The following AIRE variants were observed in gnomAD, a reference collection of about 807,000 sequenced individuals.
AIRE encodes autoimmune regulator, also known as autoimmune polyendocrinopathy candidiasis ectodermal dystrophy protein.
AIRE carries 52 observed loss-of-function variants against 62.1 expected under a neutral mutation model. The observed-to-expected ratio is 0.84, with a 90% CI of 0.67 to 1.06. The LOEUF is 1.06. Among genes scored for constraint, AIRE ranks in the 50% least tolerant of loss-of-function variants. The pLI, the probability that AIRE is intolerant of heterozygous loss-of-function variation, is 0.00. For missense variants in AIRE, 774 were observed against 755.8 expected (o/e 1.02, Z -0.28); for synonymous variants, 342 against 321.6 (o/e 1.06, Z -0.68).
At chr21:44,293,760 G>C in intron 10 of AIRE, 29 bp from the exon 11 acceptor site, 1 of 1,595,414 alleles carries the variant, frequency 6.3e-7, no homozygotes, top group Non-Finnish European at 8.5e-7. Flanking sequence ...CCGGCCCCCC[G>C]CGTCACCCCG....
At chr21:44,293,202 G>A in intron 10 of AIRE, 27 bp downstream of exon 10, 5 of 1,525,906 alleles carry the variant, frequency 3.3e-6, no homozygotes, top group South Asian at 1.2e-5. Flanking sequence ...GGTCAGGGTG[G>A]GCTCTTCAAG....
At chr21:44,292,923 C>T in intron 9 of AIRE, 70 bp from the exon 10 acceptor site, 3 of 1,446,776 alleles carry the variant, frequency 2.1e-6, no homozygotes, top group East Asian at 2.3e-5. Flanking sequence ...AGGGTCCCAG[C>T]AGTCACTGAC....
At chr21:44,293,342 A>G (rs2040564557) in intron 10 of AIRE, among the ~76,000 whole-genome samples, 167 bp downstream of exon 10, 1 of 150,764 alleles carries the variant, frequency 6.6e-6, no homozygotes. Context: ...GGGGAAGGGG[A>G]CGCTCCTAGA....
chr21:44,289,875 G>A (rs1024285088), intron 6 of AIRE, 73 bp downstream of exon 6: 1 of 1,609,074 alleles, frequency 6.2e-7, no homozygotes, highest in African/African-American at 1.3e-5. Context: ...TGCCTCTGGG[G>A]GAGTGGCTCT....
chr21:44,290,413 C>T (rs1315651110), intron 7 of AIRE: 9 of 985,258 alleles, frequency 9.1e-6, no homozygotes, highest in Admixed American at 6.1e-5. Flanking sequence ...GCTCATCTTT[C>T]GTCCCCAGCA....
Position 44,289,754 on chromosome 21 carries a change from T to G in AIRE, c.750T>G (p.Ser250Arg). The G allele has an allele frequency of 6.2e-7, 1 of 1,612,770 alleles. No homozygotes were observed. The highest frequency in any genetic ancestry group is 8.5e-7 in the Non-Finnish European group (1 of 1,179,950). ...GSGKNKARSS[S>R]GPKPLVRAKG... is the part of the protein sequence containing the mutation. ...GGAAGAACAAGGCCCGCAGCAGCAG[T>G]GGCCCGAAGCCTCTGGTTCGAGCCA... Residue 250 changes from serine to arginine, a missense_variant, in exon 6 of 14, where the codon AGT (serine) becomes AGG (arginine). Physicochemically the swap from Ser to Arg is moderately radical, Grantham distance 110. Transcript: ENST00000291582.
chr21:44,288,648 G>A (rs377279425), intron 5 of AIRE, 190 bp downstream of exon 5: 11 of 584,078 alleles, frequency 1.9e-5, no homozygotes, highest in Non-Finnish European at 2.7e-5. Flanking sequence ...CCTGTCGGGG[G>A]ACCTTCTGCA....
At chr21:44,295,014 C>T (rs1185742815) in intron 12 of AIRE, among the ~76,000 whole-genome samples, 7 of 152,300 alleles carry the variant, frequency 4.6e-5, no homozygotes, top group African/African-American at 2.4e-5. Flanking sequence ...CTGGGTGGCG[C>T]GGAGACCCCT....
In AIRE at chr21:44,287,580, C is replaced by T. The variant is rs375658223; in HGVS notation, c.527C>T (p.Pro176Leu). Residue 176 changes from proline (P) to leucine (L), a missense_variant, in exon 4 of 14, where the codon CCA becomes CTA. By Grantham distance (98) the Pro-to-Leu change is moderately conservative. Around this residue, in one of 3 missense-constraint regions of AIRE, gnomAD observed 385 missense variants for 396.0 expected, o/e 0.97. Transcript: ENST00000291582. This position sits in a 1 kb window ranked among gnomAD's most constrained non-coding sequence, Gnocchi z 4.3. ...AGCAGCGCAGAGCAGCAGCGCCTTC[C>T]ACTCGGGAACGGTGAGCGGGGCCCA... ...PESSAEQQRL[P>L]LGNGIQTMSA... is the part of the protein sequence containing the mutation. 1 of 1,556,434 alleles carries T rather than the reference C, an allele frequency of 6.4e-7. No individual in the cohort carries two copies. Among genetic ancestry groups the T allele is most frequent in the Non-Finnish European group, 8.7e-7 (1 of 1,150,068 alleles).
chr21:44,294,404 G>C lies in AIRE; in HGVS notation c.1404G>C (p.Thr468=), dbSNP rs7281600. The C allele has an allele frequency of 4.0e-5, 62 of 1,569,208 alleles. No individual in the cohort carries two copies. The Admixed American group carries it at 1.0e-3, about 26-fold the overall frequency. Residue 468 remains threonine, a synonymous_variant, in exon 12 of 14, where the codon ACG becomes ACC. Transcript: ENST00000291582. ...AGCCCCTCATCCTCTGCTGCAGGAC[G>C]GGCCTGCGCTGCAGATCCTGCTCAG... ...HFPAGTSRPG[T]GLRCRSCSGD... is the part of the protein sequence containing the mutation.
At chr21:44,290,145 C>T in intron 7 of AIRE, 77 bp downstream of exon 7, 1 of 1,550,164 alleles carries the variant, frequency 6.5e-7, no homozygotes, top group South Asian at 1.2e-5. Context: ...TCTGCCTTTA[C>T]CTGGGCACTC....
In AIRE at chr21:44,294,512, C is replaced by A. The variant is rs984302778; in HGVS notation, c.1503+9C>A. Reference sequence around the variant, plus strand: ...CCCCTGGGCCTGCCAAGGTCAGTGCCGCAGGGGCCCTCCATGCATGCCGGT... The same window carrying A: ...CCCCTGGGCCTGCCAAGGTCAGTGCAGCAGGGGCCCTCCATGCATGCCGGT... On this transcript the variant is annotated intron_variant, in intron 12 of 13. Coordinates refer to ENST00000291582, the MANE Select transcript of AIRE (RefSeq NM_000383.4). The A allele has an allele frequency of 1.2e-5, 17 of 1,419,378 alleles. No individual in the cohort carries two copies. The highest frequency in any genetic ancestry group is 1.6e-5 in the Non-Finnish European group (17 of 1,067,666). The allele number at this position is 1,419,378 out of a possible 1,614,324, so 87.9% of individuals were successfully genotyped here. A position where few individuals can be genotyped will look rare whatever the true frequency, so the allele number is the denominator to read the frequency against.
intron 7 of AIRE, chr21:44,290,757 C>A (rs779781834): frequency 6.9e-7 from 1 of 1,445,018 alleles, no homozygotes; most frequent in Non-Finnish European, 9.3e-7. Flanking sequence ...GCGCTGAGGT[C>A]GGGAGAGACC....
In AIRE at chr21:44,286,881, G is replaced by A; in HGVS notation, c.308-97G>A. On this transcript the variant is annotated intron_variant, in intron 2 of 13. Transcript: ENST00000291582. The surrounding 1 kb of genome is among the most constrained non-coding windows in gnomAD (Gnocchi z 6.0). The stretch of plus-strand genomic sequence containing the variant: ...GGATCCTAAGAGGCAAAGGGGCCAG[G>A]CCTCACCTGTCTGGCCAAGGTGTCC... The A allele has an allele frequency of 6.3e-7, 1 of 1,578,170 alleles. No individual in the cohort carries two copies. Among genetic ancestry groups the A allele is most frequent in the South Asian group, 1.1e-5 (1 of 90,248 alleles).
intron 12 of AIRE, 135 bp from the exon 13 acceptor site, chr21:44,296,248 C>T (rs2040605560): frequency 3.5e-6 from 3 of 868,514 alleles, no homozygotes; most frequent in Non-Finnish European, 5.9e-6. Flanking sequence ...TGCCCCCACC[C>T]CCAGTGGAGC....
intron 11 of AIRE, 39 bp downstream of exon 11, chr21:44,293,949 C>A: frequency 6.3e-7 from 1 of 1,592,758 alleles, no homozygotes; most frequent in Non-Finnish European, 8.5e-7. Flanking sequence ...TGAACCCACA[C>A]CCACACCCTA....
intron 11 of AIRE, 137 bp downstream of exon 11, chr21:44,294,047 C>T (rs1386729720): frequency 1.5e-5 from 18 of 1,190,342 alleles, no homozygotes; most frequent in Non-Finnish European, 2.0e-5. Flanking sequence ...CCTTGCACCC[C>T]ACCCCACACC....
At chr21:44,290,433 A>G (rs1460827803) in intron 7 of AIRE, 2 of 984,872 alleles carry the variant, frequency 2.0e-6, no homozygotes, top group African/African-American at 3.5e-5. Flanking sequence ...ATGGTTTCTT[A>G]ATGGGGTAGA....
chr21:44,290,328 C>A (rs1448803033), intron 7 of AIRE: 5 of 985,370 alleles, frequency 5.1e-6, no homozygotes, highest in Admixed American at 6.1e-5. Context: ...GTACCCGCTG[C>A]TCTCAGCTGG....
Sources: gnomAD v4.1 joint callset for allele counts (sites outside exome capture counted in the v4.1 genomes callset) on GRCh38, gnomAD v4.1.1 for gene constraint, gnomAD v4.1.1 regional missense constraint, Gnocchi (gnomAD v3.1) non-coding constraint, MANE v1.5 for transcripts, NCBI Gene and HGNC (gene_info 2026-07-23, HGNC 2026-07-21) for gene names.